MYRFL: variants seen among roughly 807,000 people sequenced by gnomAD.
MYRFL encodes the protein myelin regulatory factor-like protein.
In MYRFL, 88 loss-of-function variants were observed where a neutral mutation model predicts 109.4. That is an observed-to-expected ratio of 0.80 (90% CI 0.68 to 0.96). The LOEUF is 0.96. Among genes scored for constraint, MYRFL ranks in the 40% least tolerant of loss-of-function variants. The pLI, the probability that MYRFL is intolerant of heterozygous loss-of-function variation, is 0.00. For synonymous variants in MYRFL, 324 were observed against 320.9 expected (o/e 1.01, Z -0.10); for missense variants, 957 against 954.9 (o/e 1.00, Z -0.03).
At chr12:69,856,365 T>C (rs1021704540) in intron 2 of MYRFL, among the ~76,000 whole-genome samples, 4 of 152,144 alleles carry the variant, frequency 2.6e-5, no homozygotes, top group African/African-American at 9.6e-5. Flanking sequence ...TCTATAAATA[T>C]TTATGTATGG....
At chr12:69,890,093 G>A (rs527288740) in intron 6 of MYRFL, among the ~76,000 whole-genome samples, 160 of 152,300 alleles carry the variant, frequency 1.1e-3, no homozygotes, top group Middle Eastern at 3.4e-3. Flanking sequence ...CCATACTCTA[G>A]TGAAAACAGG....
At chr12:69,851,534 G>C (rs576635912) in intron 1 of MYRFL, among the ~76,000 whole-genome samples, 1 of 152,132 alleles carries the variant, frequency 6.6e-6, no homozygotes, top group Non-Finnish European at 1.5e-5. Flanking sequence ...ATTATAAAAG[G>C]AGAGCTTTTA....
rs578262058 is a variant in MYRFL, at chr12:69,884,431, T to C, written c.557-2389T>C. ...GTGTCACCCCTATTGGAGCAGCTGC[T>C]GTGATACCCTTACTGTTGTGATGAC... On this transcript the variant is annotated intron_variant, in intron 5 of 24. Transcript: ENST00000552032. 5.4e-4 allele frequency among the ~76,000 whole-genome samples: 82 copies of C among 152,320 alleles called. 2 individuals are homozygous for C. The South Asian group carries it at 0.015, about 28-fold the overall frequency.
Position 69,879,271 on chromosome 12 carries a change from G to A in MYRFL, c.282G>A (p.Ala94=). The change falls in exon 4 of 25, where the codon GCG becomes GCA. Residue 94 remains alanine (A), a synonymous_variant. Coordinates refer to ENST00000552032, the MANE Select transcript of MYRFL (RefSeq NM_182530.3). ...TTCTCCACCCCACAGCTGCTCCTGC[G>A]ATGCCGCCCATGCACCCGCTGCAGA... ...APFLHPTAAP[A]MPPMHPLQST... 1 of 702,842 alleles carries A rather than the reference G, an allele frequency of 1.4e-6. No individual in the cohort carries two copies. The highest frequency in any genetic ancestry group is 2.6e-6 in the Non-Finnish European group (1 of 384,852). 43.5% of individuals were successfully genotyped at this position (702,842 alleles called of 1,614,324 possible).
At chr12:69,919,477 T>C (rs532581298) in intron 13 of MYRFL, among the ~76,000 whole-genome samples, 18 of 152,282 alleles carry the variant, frequency 1.2e-4, no homozygotes, top group Non-Finnish European at 2.2e-4. Context: ...GAGTCCAAGA[T>C]TTGTCCTGTT....
Position 69,863,993 on chromosome 12 carries a change from T to C in MYRFL, c.137+8623T>C, listed in dbSNP as rs1884854347. On this transcript the variant is annotated intron_variant, in intron 2 of 24. Transcript: ENST00000552032. ...TTGACCCACTGCCTTCTAGCCTCCA[T>C]GGTTTCTGATGAAAAATAAACAGCT... 2.0e-5 allele frequency among the ~76,000 whole-genome samples: 3 copies of C among 152,218 alleles called. No homozygotes were observed. In the South Asian group the frequency reaches 6.2e-4, roughly 31 times the overall value.
chr12:69,887,531 A>C (rs1316377596), intron 6 of MYRFL, among the ~76,000 whole-genome samples: 1 of 152,238 alleles, frequency 6.6e-6, no homozygotes, highest in Non-Finnish European at 1.5e-5. Flanking sequence ...GACATAAGAT[A>C]GTTTCAAGAA....
Position 69,920,607 on chromosome 12 carries a change from G to A in MYRFL, c.1603-5964G>A, listed in dbSNP as rs1184581419. Among the ~76,000 whole-genome samples, 3 of 152,178 alleles carry A rather than the reference G, an allele frequency of 2.0e-5. No individual in the cohort carries two copies. The East Asian group carries it at 5.8e-4, about 29-fold the overall frequency. On this transcript the variant is annotated intron_variant, in intron 13 of 24. Coordinates refer to ENST00000552032, the MANE Select transcript of MYRFL (RefSeq NM_182530.3). ...TAGGTAAATCTGACACCAAGTTTAA[G>A]GAAGGTGGGAGCAGGGGAGGACAGG...
intron 4 of MYRFL, 21 bp from the exon 5 acceptor site, chr12:69,880,180 G>C (rs570369670): frequency 1.4e-6 from 1 of 702,046 alleles, no homozygotes; most frequent in Non-Finnish European, 2.6e-6. Context: ...CCTAACCTTC[G>C]TTTTGGTGTC....
chr12:69,931,334 T>A (rs773490163), intron 15 of MYRFL, among the ~76,000 whole-genome samples: 1 of 152,200 alleles, frequency 6.6e-6, no homozygotes, highest in Non-Finnish European at 1.5e-5. Flanking sequence ...ACAGTTTCTG[T>A]GAGACCTCAG....
At chr12:69,923,866 A>T (rs934919121) in intron 13 of MYRFL, among the ~76,000 whole-genome samples, 1 of 152,030 alleles carries the variant, frequency 6.6e-6, no homozygotes, top group East Asian at 1.9e-4. Context: ...GTTTTTAAAA[A>T]TTTTGTTTAT....
At position 69,854,521 on chromosome 12, in the gene MYRFL, C is replaced by A. The variant is rs147078121; in HGVS notation, c.47-759C>A. Among the ~76,000 whole-genome samples the A allele has an allele frequency of 3.8e-3, 575 of 152,128 alleles. 6 individuals are homozygous for A. The highest frequency in any genetic ancestry group is 0.013 in the African/African-American group (552 of 41,512). On this transcript the variant is annotated intron_variant, in intron 1 of 24. Transcript: ENST00000552032. ...GCCTCAGCCTCCTGAGTAGCTGGGA[C>A]TACAGGCACATGCCACCATGTCTGG...
At chr12:69,926,781 T>A (rs1228770806) in intron 14 of MYRFL, 47 bp downstream of exon 14, 2 of 1,342,104 alleles carry the variant, frequency 1.5e-6, no homozygotes, top group East Asian at 5.3e-5. Flanking sequence ...AAGGAGAGAG[T>A]GAGCTCTTTC....
intron 13 of MYRFL, among the ~76,000 whole-genome samples, chr12:69,915,100 T>G (rs1455705217): frequency 2.0e-5 from 3 of 152,232 alleles, no homozygotes; most frequent in Non-Finnish European, 2.9e-5. Context: ...TTTTCTTTCT[T>G]TTTAAGAATA....
chr12:69,936,050 A>T (rs949869875), intron 16 of MYRFL, 63 bp from the exon 17 acceptor site: 10 of 1,472,026 alleles, frequency 6.8e-6, no homozygotes, highest in Non-Finnish European at 8.0e-6. Context: ...TGTGTGAGAT[A>T]TATCTGGAAA....
chr12:69,863,578 T>C (rs1884829882), intron 2 of MYRFL, among the ~76,000 whole-genome samples: 1 of 152,232 alleles, frequency 6.6e-6, no homozygotes. Flanking sequence ...CCATTTCTCT[T>C]TCCCTTTTAT....
chr12:69,852,579 A>ATTTTTTTTTTT (rs61145700), intron 1 of MYRFL, among the ~76,000 whole-genome samples: 36 of 112,146 alleles, frequency 3.2e-4, no homozygotes, highest in Non-Finnish European at 5.2e-4. Flanking sequence ...TTAATTTTTA[A>ATTTTTTTTTTT]TTTTTTTTTT....
At chr12:69,930,616 C>T (rs1455916762) in intron 15 of MYRFL, among the ~76,000 whole-genome samples, 2 of 151,730 alleles carry the variant, frequency 1.3e-5, no homozygotes, top group African/African-American at 4.8e-5. Flanking sequence ...CCCAGGAGTT[C>T]AAGACTGGCC....
intron 19 of MYRFL, among the ~76,000 whole-genome samples, chr12:69,938,053 T>C (rs1342039293): frequency 2.0e-5 from 3 of 152,230 alleles, no homozygotes; most frequent in Admixed American, 2.0e-4. Context: ...CAATGAGCTT[T>C]TCTCATGAAA....
Sources: allele counts gnomAD v4.1 joint callset (sites outside exome capture counted in the v4.1 genomes callset), GRCh38; gene constraint gnomAD v4.1.1; transcripts MANE v1.5; gene names NCBI Gene and HGNC (gene_info 2026-07-23, HGNC 2026-07-21).